NPTXR: variants seen among roughly 807,000 people sequenced by gnomAD.
The protein encoded by NPTXR is neuronal pentraxin receptor.
In NPTXR, 12 loss-of-function variants were observed where a neutral mutation model predicts 32.2. The ratio of observed to expected loss-of-function variants is 0.37; its 90% confidence interval spans 0.24 to 0.60. The LOEUF (loss-of-function observed/expected upper bound fraction) is 0.60, where lower values mean the gene tolerates loss of function less well. NPTXR is among the 20% of genes least tolerant of loss of function. NPTXR has a pLI of 0.66. For synonymous variants in NPTXR, 323 were observed against 315.8 expected, an observed-to-expected ratio of 1.02 and a Z score of -0.24; for missense variants, 612 against 682.9, an observed-to-expected ratio of 0.90 and a Z score of 1.16.
intron 1 of NPTXR, among the ~76,000 whole-genome samples, chr22:38,836,109 C>A (rs951614696): frequency 6.6e-6 from 1 of 152,172 alleles, no homozygotes; most frequent in Non-Finnish European, 1.5e-5. Flanking sequence ...ACTACACGCC[C>A]ACCGAAACGG....
At chr22:38,827,971 G>A (rs1022199912) in intron 2 of NPTXR, among the ~76,000 whole-genome samples, 1 of 152,196 alleles carries the variant, frequency 6.6e-6, no homozygotes, top group African/African-American at 2.4e-5. Context: ...ACTTTTGTCT[G>A]TGTGACCTTG....
chr22:38,843,245 T>C lies in NPTXR; in HGVS notation c.614A>G (p.Asp205Gly), dbSNP rs747234733. 4 of 1,393,966 alleles carry C rather than the reference T, an allele frequency of 2.9e-6. No homozygotes were observed. Among genetic ancestry groups the C allele is most frequent in the African/African-American group, 3.0e-5 (2 of 65,944 alleles). 86.3% of individuals were successfully genotyped at this position (1,393,966 alleles called of 1,614,324 possible). The change falls in exon 1 of 5, where the codon GAC becomes GGC. Residue 205 changes from aspartate to glycine, a missense_variant. Physicochemically the swap from Asp to Gly is moderately conservative, Grantham distance 94. Coordinates refer to ENST00000333039, the MANE Select transcript of NPTXR (RefSeq NM_014293.4). This position sits in a 1 kb window ranked among gnomAD's most constrained non-coding sequence, Gnocchi z 5.3. ...GCGCGCGGCGCTCACCTCCAGGCGG[T>C]CGATGCGGTCCCGCAGGGCGCGCAC...
At chr22:38,832,011 A>G (rs2093116970) in intron 1 of NPTXR, among the ~76,000 whole-genome samples, 1 of 152,170 alleles carries the variant, frequency 6.6e-6, no homozygotes, top group Non-Finnish European at 1.5e-5. Flanking sequence ...AGGGAGGAAG[A>G]CTTGCCAGGA....
Position 38,843,519 on chromosome 22 carries a change from C to A in NPTXR, c.340G>T (p.Gly114Cys). ...TCTTCGCGCTCGCCCGGCGCAGCGC[C>A]CGCCGCGTCCCCCTGCTGGGCCCCC... The change falls in exon 1 of 5, where the codon GGC becomes TGC. Residue 114 changes from glycine to cysteine, a missense_variant. Transcript: ENST00000333039. This position sits in a 1 kb window ranked among gnomAD's most constrained non-coding sequence, Gnocchi z 5.3. 7.9e-7 allele frequency: 1 copy of A among 1,270,718 alleles called. No homozygotes were observed. The allele number at this position is 1,270,718 out of a possible 1,614,324, so 78.7% of individuals were successfully genotyped here.
rs1035158107 is a variant in NPTXR, at chr22:38,822,853, G to A, written c.1279-20C>T. Reference sequence around the variant, plus strand: ...GGTATCCTGGGCCAAGACAGCAGCAGAGAAAGGAGAGGCATGGAGTGAGGG... The same window carrying A: ...GGTATCCTGGGCCAAGACAGCAGCAAAGAAAGGAGAGGCATGGAGTGAGGG... On this transcript the variant is annotated intron_variant, in intron 4 of 4. Coordinates refer to ENST00000333039, the MANE Select transcript of NPTXR (RefSeq NM_014293.4). 68 of 1,602,940 alleles carry A rather than the reference G, an allele frequency of 4.2e-5. No homozygotes were observed. Among genetic ancestry groups the A allele is most frequent in the Non-Finnish European group, 5.5e-5 (64 of 1,171,462 alleles).
chr22:38,837,463 G>A (rs1001311185), intron 1 of NPTXR, among the ~76,000 whole-genome samples: 2 of 152,262 alleles, frequency 1.3e-5, no homozygotes, highest in Non-Finnish European at 2.9e-5. Flanking sequence ...GAAGCTTCTA[G>A]AATGGGCAGC....
rs919137737 is a variant in NPTXR at position 38,818,950 on chromosome 22, G to C, written c.*3659C>G. 3 of 152,382 alleles carry C rather than the reference G, an allele frequency of 2.0e-5. No homozygotes were observed. The highest frequency in any genetic ancestry group is 4.8e-5 in the African/African-American group (2 of 41,448). 9.4% of individuals were successfully genotyped at this position (152,382 alleles called of 1,614,324 possible). Reference sequence around the variant, plus strand: ...TCAGAAGGCTGGGCTCAAGTCTCCCGTGTCCAGCTGGGTGGCCTTGAGGGT... The same window carrying C: ...TCAGAAGGCTGGGCTCAAGTCTCCCCTGTCCAGCTGGGTGGCCTTGAGGGT... On this transcript the variant is annotated 3_prime_UTR_variant, in exon 5 of 5. Transcript: ENST00000333039. The surrounding 1 kb of genome is among the most constrained non-coding windows in gnomAD (Gnocchi z 4.5).
intron 3 of NPTXR, among the ~76,000 whole-genome samples, chr22:38,826,134 C>A (rs142085159): frequency 6.6e-6 from 1 of 152,156 alleles, no homozygotes; most frequent in Non-Finnish European, 1.5e-5. Flanking sequence ...TGAGCCAGTG[C>A]GCCCGGCCAC....
intron 1 of NPTXR, among the ~76,000 whole-genome samples, chr22:38,836,266 A>T (rs1316819985): frequency 6.6e-6 from 1 of 152,166 alleles, no homozygotes; most frequent in Non-Finnish European, 1.5e-5. Flanking sequence ...CTGTGGCTCG[A>T]TCCAGGGAGA....
intron 1 of NPTXR, among the ~76,000 whole-genome samples, chr22:38,828,776 T>G (rs1340963824): frequency 2.0e-5 from 3 of 151,566 alleles, no homozygotes; most frequent in Non-Finnish European, 2.9e-5. Context: ...GTGGTGGGGG[T>G]GTGGGGCGTG....
intron 1 of NPTXR, among the ~76,000 whole-genome samples, chr22:38,838,440 C>T (rs1006999351): frequency 1.3e-5 from 2 of 152,062 alleles, no homozygotes; most frequent in African/African-American, 4.8e-5. Flanking sequence ...GAAGGTCTTG[C>T]AGCAAGTCTC....
intron 1 of NPTXR, among the ~76,000 whole-genome samples, chr22:38,842,201 T>C (rs553956444): frequency 6.6e-6 from 1 of 152,302 alleles, no homozygotes; most frequent in African/African-American, 2.4e-5. Context: ...CCCTCCAACT[T>C]GCCTGCTGCA....
Position 38,823,139 on chromosome 22 carries a change from G to A in NPTXR, c.1222C>T (p.Leu408=), listed in dbSNP as rs1043006514. 6.2e-7 allele frequency: 1 copy of A among 1,614,036 alleles called. No individual in the cohort carries two copies. Among genetic ancestry groups the A allele is most frequent in the Admixed American group, 1.7e-5 (1 of 60,002 alleles). ...GGCTTGATGGGGTGCCAGGCAGCCA[G>A]GTTCTCACCGGAGCCCTGCAGCTCC... The change falls in exon 4 of 5, where the codon CTG becomes TTG. Residue 408 remains leucine (L), a synonymous_variant. Transcript: ENST00000333039.
rs749585610 is a variant in NPTXR at position 38,823,268 on chromosome 22, C to T, written c.1099-6G>A. Reference sequence around the variant, plus strand: ...CTCAGGGGCAGCTGGGCCACCTGGACACAGGTCCCCCAACCCCAGGTCAGA... The same window carrying T: ...CTCAGGGGCAGCTGGGCCACCTGGATACAGGTCCCCCAACCCCAGGTCAGA... On this transcript the variant is annotated splice_region_variant and splice_polypyrimidine_tract_variant and intron_variant, in intron 3 of 4. Coordinates refer to ENST00000333039, the MANE Select transcript of NPTXR (RefSeq NM_014293.4). 4 of 1,609,018 alleles carry T rather than the reference C, an allele frequency of 2.5e-6. No homozygotes were observed. In the African/African-American group the frequency reaches 5.3e-5, roughly 21 times the overall value.
At chr22:38,826,816 A>G (rs927543624) in intron 2 of NPTXR, 69 bp from the exon 3 acceptor site, 31 of 1,547,008 alleles carry the variant, frequency 2.0e-5, no homozygotes, top group Middle Eastern at 1.7e-4. Flanking sequence ...GACAGGGCAC[A>G]CTTCAGAAAG....
chr22:38,842,014 C>T (rs2146201210), intron 1 of NPTXR, among the ~76,000 whole-genome samples: 1 of 152,330 alleles, frequency 6.6e-6, no homozygotes, highest in East Asian at 1.9e-4. Context: ...GGCTGACTGG[C>T]TGCACTCTGA....
intron 4 of NPTXR, 94 bp from the exon 5 acceptor site, chr22:38,822,927 C>A (rs2093100501): frequency 7.0e-7 from 1 of 1,427,496 alleles, no homozygotes; most frequent in Non-Finnish European, 9.7e-7. Flanking sequence ...GTCCCCGAGG[C>A]AGCCCCACCT....
rs6147622 is a variant in NPTXR, at chr22:38,834,600, T to TC, written c.625-6089dup. Among the ~76,000 whole-genome samples, 15 of 147,414 alleles carry TC rather than the reference T, an allele frequency of 1.0e-4. No individual in the cohort carries two copies. Among genetic ancestry groups the TC allele is most frequent in the South Asian group, 4.4e-4 (2 of 4,518 alleles). Reference sequence around the variant, plus strand: ...ACTCATCCATCCATCCATCCATCCATCATCCATCCATCCATCCATCCATCC... The same window carrying TC: ...ACTCATCCATCCATCCATCCATCCATCCATCCATCCATCCATCCATCCATCC... On this transcript the variant is annotated intron_variant, in intron 1 of 4. Transcript: ENST00000333039. The surrounding 1 kb of genome is among the most constrained non-coding windows in gnomAD (Gnocchi z 4.4).
Position 38,838,573 on chromosome 22 carries a change from A to ACTTTTT in NPTXR, c.624+4661_624+4662insAAAAAG, listed in dbSNP as rs200891254. ...GCACAGGCACCGCCCTCACCTGGCT[A>ACTTTTT]TTTTTTTTTTTTTTTTTTTTTTTTT... On this transcript the variant is annotated intron_variant, in intron 1 of 4. Transcript: ENST00000333039. 4.8e-5 allele frequency among the ~76,000 whole-genome samples: 4 copies of ACTTTTT among 83,190 alleles called. 1 individual carries two copies. Among genetic ancestry groups the ACTTTTT allele is most frequent in the Non-Finnish European group, 2.2e-5 (1 of 44,636 alleles). The allele number at this position is 83,190 out of a possible 152,430, so 54.6% of individuals were successfully genotyped here.
Sources: allele counts gnomAD v4.1 joint callset (sites outside exome capture counted in the v4.1 genomes callset), GRCh38; gene constraint gnomAD v4.1.1; non-coding constraint Gnocchi (gnomAD v3.1); transcripts MANE v1.5; gene names NCBI Gene and HGNC (gene_info 2026-07-23, HGNC 2026-07-21).